The following SH3YL1 variants were observed in gnomAD, a reference collection of about 807,000 sequenced individuals.
SH3YL1 encodes SH3 and SYLF domain containing 1, also known as SH3 domain-containing YSC84-like protein 1.
A neutral mutation model predicts 45.8 loss-of-function variants in SH3YL1; 41 were observed. The observed-to-expected ratio is 0.89, with a 90% confidence interval of 0.70 to 1.16. The LOEUF (loss-of-function observed/expected upper bound fraction) is 1.16, where lower values mean the gene tolerates loss of function less well. Among genes scored for constraint, SH3YL1 ranks in the 50% most tolerant of loss-of-function variants. SH3YL1 has a pLI of 0.00. For missense variants in SH3YL1, 389 were observed against 409.6 expected (o/e 0.95, Z 0.43); for synonymous variants, 152 against 151.4 (o/e 1.00, Z -0.03).
intron 8 of SH3YL1, among the ~76,000 whole-genome samples, chr2:227,500 C>G (rs891824541): frequency 1.3e-5 from 2 of 151,996 alleles, no homozygotes; most frequent in Non-Finnish European, 2.9e-5. Context: ...AAGAAGCAAA[C>G]AGAACTATAC....
At position 254,839 on chromosome 2, in the gene SH3YL1, T is replaced by G. The variant is rs777497177; in HGVS notation, c.2-1724A>C. 3.9e-5 allele frequency among the ~76,000 whole-genome samples: 6 copies of G among 152,350 alleles called. 1 individual carries two copies. Among genetic ancestry groups the G allele is most frequent in the Middle Eastern group, 3.4e-3 (1 of 294 alleles). On this transcript the variant is annotated intron_variant, in intron 1 of 9. Transcript: ENST00000356150. ...TATCTGATTGTTTCCTTTGCCCTGT[T>G]GTTTCACTAAGCCAGACTACAGCCT...
In SH3YL1 at chr2:253,090, C is replaced by G; in HGVS notation, c.27G>C (p.Leu9Phe). The change falls in exon 2 of 10, where the codon TTG becomes TTC. Residue 9 changes from leucine (L) to phenylalanine (F), a missense_variant. Leu to Phe is a conservative substitution (Grantham distance 22, BLOSUM62 0). Transcript: ENST00000356150. Reference sequence around the variant, plus strand: ...TGGCAGCCTTTTTTGCTTCTGATTTCAAATTGGAAGGTATAGGGTTATTCA... The same window carrying G: ...TGGCAGCCTTTTTTGCTTCTGATTTGAAATTGGAAGGTATAGGGTTATTCA... MNNPIPSN[L>F]KSEAKKAAKI... 1 of 1,545,106 alleles carries G rather than the reference C, an allele frequency of 6.5e-7. No individual in the cohort carries two copies. The highest frequency in any genetic ancestry group is 8.8e-7 in the Non-Finnish European group (1 of 1,141,256).
chr2:234,086 AG>A, intron 5 of SH3YL1, 73 bp downstream of exon 5: 1 of 1,091,974 alleles, frequency 9.2e-7, no homozygotes, highest in Non-Finnish European at 1.4e-6. Context: ...TTTTAATTCA[AG>A]TTTCCTATTA....
At chr2:244,473 G>A (rs1286707910) in intron 4 of SH3YL1, among the ~76,000 whole-genome samples, 2 of 150,820 alleles carry the variant, frequency 1.3e-5, no homozygotes, top group Non-Finnish European at 2.9e-5. Context: ...TCCAGCCTGG[G>A]CGACAGAGCA....
intron 4 of SH3YL1, among the ~76,000 whole-genome samples, chr2:236,329 G>A (rs887418296): frequency 2.6e-5 from 4 of 152,122 alleles, no homozygotes; most frequent in Admixed American, 2.0e-4. Context: ...CTCGAGAGCT[G>A]TGGACTTTGG....
At chr2:243,944 A>G (rs2103040227) in intron 4 of SH3YL1, among the ~76,000 whole-genome samples, 1 of 152,300 alleles carries the variant, frequency 6.6e-6, no homozygotes. Context: ...TGTGAAACCA[A>G]GAACAAGTAA....
At chr2:246,340 A>T (rs1481967451) in intron 4 of SH3YL1, among the ~76,000 whole-genome samples, 1 of 152,190 alleles carries the variant, frequency 6.6e-6, no homozygotes, top group Non-Finnish European at 1.5e-5. Context: ...TATGGCTAAA[A>T]GTCCAAAATT....
At chr2:240,752 G>A (rs1668508003) in intron 4 of SH3YL1, 1 of 152,270 alleles carries the variant, frequency 6.6e-6, no homozygotes, top group Admixed American at 6.5e-5. Context: ...CAGCTTAACA[G>A]ACAGGTCACG....
In SH3YL1 at chr2:218,744, A is replaced by T; in HGVS notation, c.*67T>A. ...TAAAATTTATATTAAACATTGCTTA[A>T]CTAGTAAATCCTGTCAGTGTAGAAA... On this transcript the variant is annotated 3_prime_UTR_variant, in exon 10 of 10. Coordinates refer to ENST00000356150, the MANE Select transcript of SH3YL1 (RefSeq NM_015677.4). 1.6e-6 allele frequency: 2 copies of T among 1,285,710 alleles called. No homozygotes were observed. Among genetic ancestry groups the T allele is most frequent in the Non-Finnish European group, 2.1e-6 (2 of 942,470 alleles). The allele number at this position is 1,285,710 out of a possible 1,614,324, so 79.6% of individuals were successfully genotyped here. A position where few individuals can be genotyped will look rare whatever the true frequency, so the allele number is the denominator to read the frequency against.
intron 2 of SH3YL1, among the ~76,000 whole-genome samples, chr2:252,774 A>C (rs185687110): frequency 1.6e-4 from 25 of 152,316 alleles, no homozygotes; most frequent in Admixed American, 9.8e-4. Context: ...GCATGAAACA[A>C]GTTATGCTGT....
intron 4 of SH3YL1, among the ~76,000 whole-genome samples, chr2:245,843 A>C (rs555801532): frequency 6.6e-6 from 1 of 152,260 alleles, no homozygotes; most frequent in African/African-American, 2.4e-5. Flanking sequence ...TAACAAAACA[A>C]TAAACTATTG....
chr2:259,046 C>T (rs1239308496), intron 1 of SH3YL1, among the ~76,000 whole-genome samples: 1 of 152,192 alleles, frequency 6.6e-6, no homozygotes, highest in Non-Finnish European at 1.5e-5. Flanking sequence ...GGTGCCCCCT[C>T]CTTGTCCTGC....
At chr2:227,527 T>C (rs529617059) in intron 8 of SH3YL1, among the ~76,000 whole-genome samples, 1 of 152,260 alleles carries the variant, frequency 6.6e-6, no homozygotes, top group African/African-American at 2.4e-5. Flanking sequence ...ACTTAGGGAT[T>C]TCTACGCGGA....
intron 2 of SH3YL1, among the ~76,000 whole-genome samples, chr2:251,049 C>G (rs1417832166): frequency 6.6e-6 from 1 of 152,140 alleles, no homozygotes; most frequent in African/African-American, 2.4e-5. Context: ...GCTATTGCCC[C>G]TATTGGGAAT....
At chr2:239,641 G>T (rs1017129306) in intron 4 of SH3YL1, 3 of 152,000 alleles carry the variant, frequency 2.0e-5, no homozygotes, top group Admixed American at 6.5e-5. Context: ...ACTAACAAAA[G>T]AAGAGCTAAA....
chr2:263,975 G>C lies in SH3YL1; in HGVS notation c.1+9C>G. The stretch of plus-strand genomic sequence containing the variant: ...GTGCTGCCGGACAGGTGGGTCCCCG[G>C]GTACTCACTGCTGCCCGCCCGGCCG... On this transcript the variant is annotated intron_variant, in intron 1 of 9. Coordinates refer to ENST00000356150, the MANE Select transcript of SH3YL1 (RefSeq NM_015677.4). 6.7e-7 allele frequency: 1 copy of C among 1,492,454 alleles called. No homozygotes were observed. The highest frequency in any genetic ancestry group is 9.0e-7 in the Non-Finnish European group (1 of 1,117,158). 92.5% of individuals were successfully genotyped at this position (1,492,454 alleles called of 1,614,324 possible).
intron 8 of SH3YL1, 160 bp downstream of exon 8, chr2:229,806 G>T: frequency 1.1e-4 from 42 of 383,048 alleles, no homozygotes; most frequent in East Asian, 1.5e-4. Context: ...ATGACAATTT[G>T]TCTCATGTAT....
intron 3 of SH3YL1, among the ~76,000 whole-genome samples, chr2:248,493 T>C (rs1234912031): frequency 6.6e-6 from 1 of 151,860 alleles, no homozygotes; most frequent in African/African-American, 2.4e-5. Flanking sequence ...CTGGGGAACA[T>C]GTTGTGTCTT....
intron 1 of SH3YL1, chr2:260,464 G>A (rs1669543632): frequency 6.6e-6 from 1 of 152,174 alleles, no homozygotes; most frequent in African/African-American, 2.4e-5. Flanking sequence ...AACCAAAGCT[G>A]GTCCAATACC....
Sources: gnomAD v4.1 joint callset for allele counts (sites outside exome capture counted in the v4.1 genomes callset) on GRCh38, gnomAD v4.1.1 for gene constraint, MANE v1.5 for transcripts, NCBI Gene and HGNC (gene_info 2026-07-23, HGNC 2026-07-21) for gene names.